GAREM1: variants seen among roughly 807,000 people sequenced by gnomAD.
GAREM1 encodes GRB2-associated and regulator of MAPK protein 1.
Under a neutral mutation model 71.3 loss-of-function variants are expected in GAREM1, and 26 were observed. The observed-to-expected ratio is 0.36, with a 90% CI of 0.27 to 0.51. The LOEUF (loss-of-function observed/expected upper bound fraction) is 0.51. Among genes scored for constraint, GAREM1 ranks in the 20% least tolerant of loss-of-function variants. The pLI, the probability that GAREM1 is intolerant of heterozygous loss-of-function variation, is 0.95. For missense variants in GAREM1, 1,026 were observed against 1,103.1 expected (o/e 0.93, Z 0.99); for synonymous variants, 440 against 433.2 (o/e 1.02, Z -0.20).
rs550069855 is a variant in GAREM1 at position 32,404,723 on chromosome 18, C to A, written c.122-11688G>T. Among the ~76,000 whole-genome samples the A allele has an allele frequency of 1.7e-4, 26 of 152,256 alleles. No individual in the cohort carries two copies. The Middle Eastern group carries it at 0.01, about 60-fold the overall frequency. On this transcript the variant is annotated intron_variant, in intron 1 of 5. Coordinates refer to ENST00000269209, the MANE Select transcript of GAREM1 (RefSeq NM_001242409.2). The stretch of plus-strand genomic sequence containing the variant: ...AATCTTATATGACAGATTTATTTTT[C>A]TTTTTAAAGAATGTTTTTATTCCTC...
intron 5 of GAREM1, among the ~76,000 whole-genome samples, chr18:32,269,889 C>T (rs557537069): frequency 2.0e-5 from 3 of 152,062 alleles, no homozygotes; most frequent in African/African-American, 7.2e-5. Context: ...GCTGTCTGCT[C>T]GTGTCAAAGT....
intron 2 of GAREM1, among the ~76,000 whole-genome samples, chr18:32,380,076 C>T (rs187174119): frequency 2.0e-4 from 30 of 152,264 alleles, no homozygotes; most frequent in African/African-American, 6.0e-4. Context: ...CGCCATGACA[C>T]GCATGGTTGC....
chr18:32,275,078 G>T (rs1381018881), intron 4 of GAREM1, among the ~76,000 whole-genome samples: 1 of 152,028 alleles, frequency 6.6e-6, no homozygotes, highest in African/African-American at 2.4e-5. Context: ...TGGTGACCCT[G>T]AGTCAATCTA....
intron 1 of GAREM1, among the ~76,000 whole-genome samples, chr18:32,435,377 A>G (rs919123112): frequency 6.6e-6 from 1 of 152,178 alleles, no homozygotes; most frequent in Non-Finnish European, 1.5e-5. Context: ...TTTTAGGGGA[A>G]GAAGGGTTAA....
intron 2 of GAREM1, among the ~76,000 whole-genome samples, chr18:32,345,710 G>A (rs914536435): frequency 2.0e-5 from 3 of 152,204 alleles, no homozygotes; most frequent in African/African-American, 7.2e-5. Flanking sequence ...ACATCGCTAA[G>A]CTGATGAAAG....
intron 2 of GAREM1, among the ~76,000 whole-genome samples, chr18:32,379,778 C>T (rs537739720): frequency 6.6e-6 from 1 of 151,876 alleles, no homozygotes; most frequent in African/African-American, 2.4e-5. Context: ...ACTTGGGGGG[C>T]TGAGGAAGCT....
chr18:32,455,735 T>C (rs1315698362), intron 1 of GAREM1, among the ~76,000 whole-genome samples: 1 of 152,174 alleles, frequency 6.6e-6, no homozygotes, highest in Non-Finnish European at 1.5e-5. Context: ...AGAAGAAGGA[T>C]AAGTCAAGAT....
intron 3 of GAREM1, among the ~76,000 whole-genome samples, chr18:32,290,568 C>A (rs1287291631): frequency 2.0e-5 from 3 of 150,676 alleles, no homozygotes; most frequent in African/African-American, 7.3e-5. Flanking sequence ...TCGCTTGAAC[C>A]CGGGAGGCAG....
intron 1 of GAREM1, among the ~76,000 whole-genome samples, chr18:32,450,806 G>A (rs915251785): frequency 1.1e-4 from 16 of 152,086 alleles, no homozygotes; most frequent in Non-Finnish European, 1.8e-4. Context: ...ACATGTAAGA[G>A]GGATACAAGG....
intron 4 of GAREM1, among the ~76,000 whole-genome samples, chr18:32,285,694 T>C (rs918593742): frequency 3.3e-5 from 5 of 152,242 alleles, no homozygotes; most frequent in African/African-American, 1.2e-4. Context: ...TCTCTCTTGT[T>C]TTCCTATTGT....
At chr18:32,327,457 A>C (rs1180848610) in intron 2 of GAREM1, among the ~76,000 whole-genome samples, 1 of 152,220 alleles carries the variant, frequency 6.6e-6, no homozygotes, top group Non-Finnish European at 1.5e-5. Context: ...AAAAGACTAT[A>C]CACAGAAAAT....
intron 4 of GAREM1, among the ~76,000 whole-genome samples, chr18:32,285,562 C>T (rs986076839): frequency 6.6e-6 from 1 of 152,252 alleles, no homozygotes; most frequent in South Asian, 2.1e-4. Flanking sequence ...CATCTCTCTA[C>T]TCTTCCAATT....
chr18:32,408,313 T>C (rs1362235710), intron 1 of GAREM1, among the ~76,000 whole-genome samples: 1 of 152,114 alleles, frequency 6.6e-6, no homozygotes, highest in African/African-American at 2.4e-5. Context: ...AAAAAAGAGG[T>C]ATTTGTTAAC....
chr18:32,334,148 C>G (rs2047565635), intron 2 of GAREM1, among the ~76,000 whole-genome samples: 1 of 152,130 alleles, frequency 6.6e-6, no homozygotes, highest in Admixed American at 6.5e-5. Context: ...CCAGATACTT[C>G]AATTCCCAAT....
At chr18:32,443,046 A>G (rs911779403) in intron 1 of GAREM1, among the ~76,000 whole-genome samples, 3 of 152,192 alleles carry the variant, frequency 2.0e-5, no homozygotes, top group Non-Finnish European at 2.9e-5. Context: ...TTTTCATGTA[A>G]TTTCATGTGG....
chr18:32,415,347 A>G (rs1314179250), intron 1 of GAREM1, among the ~76,000 whole-genome samples: 1 of 152,132 alleles, frequency 6.6e-6, no homozygotes, highest in Non-Finnish European at 1.5e-5. Context: ...ATACTTCCAA[A>G]CTCATTCTAC....
rs2048781309 is a variant in GAREM1, at chr18:32,445,859, C to A, written c.121+24449G>T. 3.3e-5 allele frequency among the ~76,000 whole-genome samples: 5 copies of A among 149,376 alleles called. No homozygotes were observed. In the South Asian group the frequency reaches 6.4e-4, roughly 19 times the overall value. On this transcript the variant is annotated intron_variant, in intron 1 of 5. Coordinates refer to ENST00000269209, the MANE Select transcript of GAREM1 (RefSeq NM_001242409.2). The stretch of plus-strand genomic sequence containing the variant: ...TATTAAACTAAATTCATTTTTCTGG[C>A]AAAAAAAAATATAGGTTAAGGCAAT...
intron 1 of GAREM1, among the ~76,000 whole-genome samples, chr18:32,439,760 T>C (rs2048715789): frequency 6.6e-6 from 1 of 152,112 alleles, no homozygotes; most frequent in African/African-American, 2.4e-5. Flanking sequence ...TACTGAGCCT[T>C]AGCATCCATC....
intron 1 of GAREM1, among the ~76,000 whole-genome samples, chr18:32,423,608 G>T (rs967054315): frequency 6.6e-6 from 1 of 152,148 alleles, no homozygotes; most frequent in African/African-American, 2.4e-5. Flanking sequence ...ATCATCACAA[G>T]TATATTACCA....
Sources: allele counts gnomAD v4.1 joint callset (sites outside exome capture counted in the v4.1 genomes callset), GRCh38; gene constraint gnomAD v4.1.1; transcripts MANE v1.5; gene names NCBI Gene and HGNC (gene_info 2026-07-23, HGNC 2026-07-21).